Variants in CNTN5 observed in about 807,000 individuals in gnomAD.
CNTN5 encodes contactin-5.
A neutral mutation model predicts 129.1 loss-of-function variants in CNTN5; 77 were observed. The observed-to-expected ratio is 0.60, with a 90% CI of 0.50 to 0.72. The LOEUF (loss-of-function observed/expected upper bound fraction) is 0.72. Ranked by LOEUF, CNTN5 falls within the 30% of genes least tolerant of loss-of-function variation. The pLI, the probability that CNTN5 is intolerant of heterozygous loss-of-function variation, is 0.00. For synonymous variants in CNTN5, 509 were observed against 465.6 expected (o/e 1.09, Z -1.20); for missense variants, 1,478 against 1,328.8 (o/e 1.11, Z -1.75).
intron 9 of CNTN5, 130 bp from the exon 10 acceptor site, chr11:100,061,082 A>G (rs773509066): frequency 6.8e-5 from 43 of 632,720 alleles, no homozygotes; most frequent in Non-Finnish European, 9.9e-5. Flanking sequence ...TATATCAACC[A>G]GCACATGGTC....
chr11:100,217,046 A>G (rs1273069013), intron 15 of CNTN5, among the ~76,000 whole-genome samples: 1 of 152,208 alleles, frequency 6.6e-6, no homozygotes, highest in African/African-American at 2.4e-5. Flanking sequence ...GTTAGGCTAC[A>G]TAATTTATTT....
At chr11:99,477,130 A>G (rs1479718272) in intron 2 of CNTN5, among the ~76,000 whole-genome samples, 1 of 151,984 alleles carries the variant, frequency 6.6e-6, no homozygotes, top group Non-Finnish European at 1.5e-5. Flanking sequence ...TATTTAGTTA[A>G]TATCCTTAAA....
chr11:99,959,460 G>A (rs1453242479), intron 8 of CNTN5, among the ~76,000 whole-genome samples: 1 of 152,140 alleles, frequency 6.6e-6, no homozygotes, highest in Admixed American at 6.5e-5. Flanking sequence ...AATAGAGATA[G>A]TATACTGTCC....
chr11:99,506,507 G>T (rs1553516), intron 2 of CNTN5, among the ~76,000 whole-genome samples: 8,766 of 152,022 alleles, frequency 0.058, 266 homozygotes, highest in South Asian at 0.084. Flanking sequence ...TCAGTATTGC[G>T]ATTTGTTTTA....
intron 13 of CNTN5, among the ~76,000 whole-genome samples, chr11:100,093,530 G>A (rs2138013403): frequency 6.6e-6 from 1 of 152,132 alleles, no homozygotes; most frequent in African/African-American, 2.4e-5. Context: ...ACCTCCCAAA[G>A]TTCTGGGATT....
chr11:99,107,824 G>T (rs12790957), intron 1 of CNTN5, among the ~76,000 whole-genome samples: 1 of 151,324 alleles, frequency 6.6e-6, no homozygotes, highest in African/African-American at 2.4e-5. Flanking sequence ...CCAGCTACTC[G>T]GGAGGCTGAG....
intron 1 of CNTN5, among the ~76,000 whole-genome samples, chr11:99,141,023 G>C (rs534782169): frequency 2.0e-4 from 31 of 152,166 alleles, no homozygotes; most frequent in African/African-American, 6.7e-4. Context: ...ATGAATTAGG[G>C]AGGAGTCCAT....
At chr11:99,152,294 G>T (rs569716807) in intron 1 of CNTN5, among the ~76,000 whole-genome samples, 1 of 152,218 alleles carries the variant, frequency 6.6e-6, no homozygotes, top group East Asian at 1.9e-4. Flanking sequence ...ATATTCATGA[G>T]ACATTTTCAA....
intron 9 of CNTN5, among the ~76,000 whole-genome samples, chr11:100,018,851 T>C (rs1480394169): frequency 6.6e-6 from 1 of 151,990 alleles, no homozygotes; most frequent in Non-Finnish European, 1.5e-5. Context: ...AATCTGTAAT[T>C]ATGCCATTTA....
chr11:99,229,983 T>G (rs1278085649), intron 1 of CNTN5, among the ~76,000 whole-genome samples: 2 of 152,072 alleles, frequency 1.3e-5, no homozygotes, highest in African/African-American at 4.8e-5. Context: ...CCACAATTTT[T>G]AGAAAAAGAG....
intron 1 of CNTN5, among the ~76,000 whole-genome samples, chr11:99,070,651 C>A (rs1384167557): frequency 6.6e-6 from 1 of 151,792 alleles, no homozygotes; most frequent in African/African-American, 2.4e-5. Flanking sequence ...CTTTTTTGTA[C>A]CACACCATGC....
At chr11:99,406,774 C>CT (rs1565556156) in intron 2 of CNTN5, among the ~76,000 whole-genome samples, 4 of 152,140 alleles carry the variant, frequency 2.6e-5, no homozygotes, top group African/African-American at 7.2e-5. Context: ...TAAGACACAG[C>CT]TTTTTTCCGC....
At chr11:99,995,961 C>T (rs544255083) in intron 8 of CNTN5, among the ~76,000 whole-genome samples, 2 of 152,286 alleles carry the variant, frequency 1.3e-5, no homozygotes, top group African/African-American at 2.4e-5. Flanking sequence ...GAGCGTCATT[C>T]TCTCATTTTT....
chr11:99,664,772 T>C (rs1476394103), intron 3 of CNTN5, among the ~76,000 whole-genome samples: 1 of 152,230 alleles, frequency 6.6e-6, no homozygotes, highest in Non-Finnish European at 1.5e-5. Flanking sequence ...TTTCCATTTA[T>C]ATAATTTGAA....
At chr11:100,127,651 CTTTTTTTTTTT>C (rs66468227) in intron 13 of CNTN5, among the ~76,000 whole-genome samples, 1 of 81,280 alleles carries the variant, frequency 1.2e-5, no homozygotes, top group African/African-American at 5.0e-5. Context: ...TTCTTTCTTT[CTTTTTTTTTTT>C]TTTTTTTTTT....
In CNTN5 at chr11:99,596,233, G is replaced by A. The variant is rs546565978; in HGVS notation, c.55+39964G>A. 1.2e-3 allele frequency among the ~76,000 whole-genome samples: 188 copies of A among 152,126 alleles called. 1 individual carries two copies. The highest frequency in any genetic ancestry group is 4.0e-3 in the African/African-American group (168 of 41,514). ...ATTTACTTTGTGGCTGAGAAATGTC[G>A]TCCTATACCAAAAGATAGGATTAAG... On this transcript the variant is annotated intron_variant, in intron 3 of 24. Coordinates refer to ENST00000524871, the MANE Select transcript of CNTN5 (RefSeq NM_014361.4).
chr11:99,375,653 T>C (rs149896364), intron 2 of CNTN5, among the ~76,000 whole-genome samples: 151 of 152,300 alleles, frequency 9.9e-4, no homozygotes, highest in African/African-American at 3.4e-3. Context: ...TGACTTCCCA[T>C]GTATCTGGAA....
chr11:99,621,673 CAT>C (rs896484249), intron 3 of CNTN5, among the ~76,000 whole-genome samples: 11 of 152,148 alleles, frequency 7.2e-5, no homozygotes, highest in African/African-American at 2.4e-4. Flanking sequence ...AATAGAACAA[CAT>C]ATGAATTTGT....
chr11:99,053,273 A>T (rs1382667361), intron 1 of CNTN5, among the ~76,000 whole-genome samples: 2 of 152,018 alleles, frequency 1.3e-5, no homozygotes, highest in East Asian at 3.9e-4. Context: ...CCAGTGAACT[A>T]ATTTTTTGCT....
Sources: gnomAD v4.1 joint callset for allele counts (sites outside exome capture counted in the v4.1 genomes callset) on GRCh38, gnomAD v4.1.1 for gene constraint, MANE v1.5 for transcripts, NCBI Gene and HGNC (gene_info 2026-07-23, HGNC 2026-07-21) for gene names.